The following PLD6 variants were observed in gnomAD, a reference collection of about 807,000 sequenced individuals.
The protein encoded by PLD6 is mitochondrial cardiolipin hydrolase.
A neutral mutation model predicts 9.7 loss-of-function variants in PLD6; 10 were observed. The ratio of observed to expected loss-of-function variants is 1.03; its 90% CI spans 0.64 to 1.75. The LOEUF (loss-of-function observed/expected upper bound fraction) is 1.75. PLD6 is among the 40% of genes most tolerant of loss of function. The pLI, the probability that PLD6 is intolerant of heterozygous loss-of-function variation, is 0.00. For synonymous variants in PLD6, 152 were observed against 159.2 expected (o/e 0.96, Z 0.34); for missense variants, 334 against 347.6 (o/e 0.96, Z 0.31).
At position 17,203,036 on chromosome 17, in the gene PLD6, T is replaced by C. The variant is rs1467762057; in HGVS notation, c.490A>G (p.Lys164Glu). Residue 164 changes from lysine to glutamate, a missense_variant, in exon 2 of 2, where the codon AAG (lysine) becomes GAG (glutamate). Lys to Glu is a moderately conservative substitution (Grantham distance 56). Transcript: ENST00000321560. ...YMHHKFAIVD[K>E]RVLITGSLNW... ...AGCGAGCCAGTGATGAGCACCCTCT[T>C]GTCCACGATGGCAAACTTGTGATGC... is the stretch of plus-strand genomic sequence containing the variant. The C allele has an allele frequency of 6.2e-7, 1 of 1,614,228 alleles. No individual in the cohort carries two copies. Among genetic ancestry groups the C allele is most frequent in the Non-Finnish European group, 8.5e-7 (1 of 1,180,036 alleles).
chr17:17,202,373 G>A lies in PLD6; in HGVS notation c.*394C>T, dbSNP rs73981904. ...AGTCGTGCCACATGGAGAGAGGGAT[G>A]AAATCTCAGGGAGATGCTGAAAGGG... On this transcript the variant is annotated 3_prime_UTR_variant, in exon 2 of 2. Transcript: ENST00000321560. 3,948 of 204,154 alleles carry A rather than the reference G, an allele frequency of 0.019. 143 individuals carry two copies. The highest frequency in any genetic ancestry group is 0.077 in the African/African-American group (3,343 of 43,534). 12.6% of individuals were successfully genotyped at this position (204,154 alleles called of 1,614,324 possible).
Position 17,206,272 on chromosome 17 carries a change from A to C in PLD6, c.15T>G (p.Ser5Arg), listed in dbSNP as rs2046720331. MGRL[S>R]WQVAAAAAVG... ...CAGCCGCCGCGGCCGCCACCTGCCAACTCAACCGTCCCATGCCGCCGCTAA... is the reference window on the plus strand; with the variant it reads ...CAGCCGCCGCGGCCGCCACCTGCCACCTCAACCGTCCCATGCCGCCGCTAA... The change falls in exon 1 of 2, where the codon AGT (serine) becomes AGG (arginine). Residue 5 changes from serine to arginine, a missense_variant. By Grantham distance (110) the Ser-to-Arg change is moderately radical. Coordinates refer to ENST00000321560, the MANE Select transcript of PLD6 (RefSeq NM_178836.4). 2 of 1,542,642 alleles carry C rather than the reference A, an allele frequency of 1.3e-6. No homozygotes were observed. Among genetic ancestry groups the C allele is most frequent in the Non-Finnish European group, 1.7e-6 (2 of 1,155,700 alleles).
In PLD6 at chr17:17,206,127, G is replaced by T; in HGVS notation, c.160C>A (p.Leu54Met). Reference sequence around the variant, plus strand: ...AGCTCCGCGCCCGGAGCCCGCAGCAGGGCCTCGGTACAGGTCACCTGAGAC... The same window carrying T: ...AGCTCCGCGCCCGGAGCCCGCAGCATGGCCTCGGTACAGGTCACCTGAGAC... ...FPSQVTCTEALLRAPGAELAE... is the reference protein window; with the variant it reads ...FPSQVTCTEAMLRAPGAELAE... Residue 54 changes from leucine to methionine, a missense_variant, in exon 1 of 2, where the codon CTG becomes ATG. Coordinates refer to ENST00000321560, the MANE Select transcript of PLD6 (RefSeq NM_178836.4). 6.7e-7 allele frequency: 1 copy of T among 1,489,828 alleles called. No homozygotes were observed. Among genetic ancestry groups the T allele is most frequent in the Non-Finnish European group, 8.9e-7 (1 of 1,128,542 alleles). The allele number at this position is 1,489,828 out of a possible 1,614,324, so 92.3% of individuals were successfully genotyped here.
chr17:17,202,028 A>G lies in PLD6; in HGVS notation c.*739T>C. The stretch of plus-strand genomic sequence containing the variant: ...AAATAAATAAAATAAAAAAAGTTAA[A>G]AGCCCAACATAGAAACAGCTGCTGG... On this transcript the variant is annotated 3_prime_UTR_variant, in exon 2 of 2. Coordinates refer to ENST00000321560, the MANE Select transcript of PLD6 (RefSeq NM_178836.4). 1 of 152,218 alleles carries G rather than the reference A, an allele frequency of 6.6e-6. No homozygotes were observed. The allele number at this position is 152,218 out of a possible 1,614,324, so 9.4% of individuals were successfully genotyped here.
rs1337137778 is a variant in PLD6, at chr17:17,203,024, TG to T, written c.501del (p.Ile168SerfsTer91). On this transcript the variant is annotated frameshift_variant, in exon 2 of 2. Coordinates refer to ENST00000321560, the MANE Select transcript of PLD6 (RefSeq NM_178836.4). LOFTEE classifies it low-confidence loss of function (END_TRUNC). ...HKFAIVDKRV[L>X]ITGSLNWTTQ... is the part of the protein sequence containing the mutation. Reference sequence around the variant, plus strand: ...GTGGTCCAGTTGAGCGAGCCAGTGATGAGCACCCTCTTGTCCACGATGGCAA... The same window carrying T: ...GTGGTCCAGTTGAGCGAGCCAGTGATAGCACCCTCTTGTCCACGATGGCAA... The T allele has an allele frequency of 6.2e-7, 1 of 1,614,098 alleles. No individual in the cohort carries two copies. Among genetic ancestry groups the T allele is most frequent in the Non-Finnish European group, 8.5e-7 (1 of 1,180,050 alleles).
chr17:17,202,886 A>T lies in PLD6; in HGVS notation c.640T>A (p.Tyr214Asn). 6.2e-7 allele frequency: 1 copy of T among 1,614,122 alleles called. No homozygotes were observed. The highest frequency in any genetic ancestry group is 8.5e-7 in the Non-Finnish European group (1 of 1,180,032). The change falls in exon 2 of 2, where the codon TAT becomes AAT. Residue 214 changes from tyrosine to asparagine, a missense_variant. Physicochemically the swap from Tyr to Asn is moderately radical, Grantham distance 143 (BLOSUM62 -2). Transcript: ENST00000321560. ...RIWEQFNPTK[Y>N]TFFPPKKSHG... ...CTTTTCTTTGGTGGGAAAAAGGTAT[A>T]CTTTGTAGGGTTAAACTGTTCCCAG...
intron 1 of PLD6, among the ~76,000 whole-genome samples, chr17:17,203,866 G>C (rs903716463): frequency 6.6e-6 from 1 of 152,206 alleles, no homozygotes; most frequent in African/African-American, 2.4e-5. Flanking sequence ...TGGAATTTCA[G>C]ATAAAGAGTA....
intron 1 of PLD6, 75 bp downstream of exon 1, chr17:17,205,785 T>C: frequency 6.7e-7 from 1 of 1,483,530 alleles, no homozygotes; most frequent in Non-Finnish European, 9.1e-7. Context: ...CCCCCTCCCC[T>C]AAGTGTCCAC....
Position 17,206,016 on chromosome 17 carries a change from G to C in PLD6, c.271C>G (p.Arg91Gly), listed in dbSNP as rs767799956. 6.5e-7 allele frequency: 1 copy of C among 1,544,086 alleles called. No homozygotes were observed. The highest frequency in any genetic ancestry group is 8.7e-7 in the Non-Finnish European group (1 of 1,148,290). Residue 91 changes from arginine (R) to glycine (G), a missense_variant, in exon 1 of 2, where the codon CGC becomes GGC. Physicochemically the swap from Arg to Gly is moderately radical, Grantham distance 125 (BLOSUM62 -2). Transcript: ENST00000321560. ...AACAGGCAGAGATCCAGGCTGGCGC[G>C]GGCGGCCAGCAGGGCACGCAGCAGG... ...SRLLRALLAA[R>G]ASLDLCLFAF...
Position 17,206,016 on chromosome 17 carries a change from G to T in PLD6, c.271C>A (p.Arg91Ser), listed in dbSNP as rs767799956. 4 of 1,544,204 alleles carry T rather than the reference G, an allele frequency of 2.6e-6. No individual in the cohort carries two copies. The highest frequency in any genetic ancestry group is 2.4e-5 in the East Asian group (1 of 41,010). ...AACAGGCAGAGATCCAGGCTGGCGC[G>T]GGCGGCCAGCAGGGCACGCAGCAGG... is the stretch of plus-strand genomic sequence containing the variant. ...SRLLRALLAARASLDLCLFAF... is the reference protein window; with the variant it reads ...SRLLRALLAASASLDLCLFAF... Residue 91 changes from arginine to serine, a missense_variant, in exon 1 of 2, where the codon CGC becomes AGC. By Grantham distance (110) the Arg-to-Ser change is moderately radical. Coordinates refer to ENST00000321560, the MANE Select transcript of PLD6 (RefSeq NM_178836.4).
chr17:17,203,949 C>T (rs1268483623), intron 1 of PLD6, among the ~76,000 whole-genome samples: 3 of 152,186 alleles, frequency 2.0e-5, no homozygotes, highest in East Asian at 3.8e-4. Context: ...GCATGGAACT[C>T]ATATTTAATT....
Position 17,204,167 on chromosome 17 carries a change from G to A in PLD6, c.428-1069C>T, listed in dbSNP as rs191337817. On this transcript the variant is annotated intron_variant, in intron 1 of 1. Transcript: ENST00000321560. ...GCTGGGATCCACTGCCCACCTCCCC[G>A]TCCCCTCCCCGCGGCCTGCCACCTC... Among the ~76,000 whole-genome samples the A allele has an allele frequency of 3.3e-5, 5 of 152,200 alleles. No individual in the cohort carries two copies. The East Asian group carries it at 7.7e-4, about 24-fold the overall frequency.
chr17:17,206,318 C>T lies in PLD6; in HGVS notation c.-32G>A. The T allele has an allele frequency of 6.7e-7, 1 of 1,492,938 alleles. No individual in the cohort carries two copies. Among genetic ancestry groups the T allele is most frequent in the South Asian group, 1.3e-5 (1 of 79,024 alleles). 92.5% of individuals were successfully genotyped at this position (1,492,938 alleles called of 1,614,324 possible). A position where few individuals can be genotyped will look rare whatever the true frequency, so the allele number is the denominator to read the frequency against. On this transcript the variant is annotated 5_prime_UTR_variant, in exon 1 of 2. Transcript: ENST00000321560. ...GCTAATCCGGGACCCACAGCCACGC[C>T]GCCGCAGCGGAGTCTGCGCGCCCCC...
At position 17,206,070 on chromosome 17, in the gene PLD6, G is replaced by C. The variant is rs1158024108; in HGVS notation, c.217C>G (p.Leu73Val). 2 of 1,510,180 alleles carry C rather than the reference G, an allele frequency of 1.3e-6. No homozygotes were observed. The highest frequency in any genetic ancestry group is 1.8e-6 in the Non-Finnish European group (2 of 1,136,248). The allele number at this position is 1,510,180 out of a possible 1,614,324, so 93.5% of individuals were successfully genotyped here. Residue 73 changes from leucine (L) to valine (V), a missense_variant, in exon 1 of 2, where the codon CTG becomes GTG. Transcript: ENST00000321560. ...CTTAGCGCGCTCTCGCCGTGGGGCA[G>C]GCCGCACGGGCAGCCCTCGGGGAGC... ...AELPEGCPCG[L>V]PHGESALSRL...
At chr17:17,204,498 G>A (rs2046700769) in intron 1 of PLD6, 1 of 152,296 alleles carries the variant, frequency 6.6e-6, no homozygotes. Context: ...TGTGCCCTAG[G>A]ATGTTCCAGC....
At chr17:17,205,791 T>A in intron 1 of PLD6, 69 bp downstream of exon 1, 2 of 1,504,980 alleles carry the variant, frequency 1.3e-6, no homozygotes, top group Non-Finnish European at 1.8e-6. Context: ...CCCCTAAGTG[T>A]CCACCTTTGC....
chr17:17,206,216 G>C lies in PLD6; in HGVS notation c.71C>G (p.Pro24Arg). Reference protein sequence around the residue: ...VGLALTLEALPWVLRWLRSRR... With the variant: ...VGLALTLEALRWVLRWLRSRR... Reference sequence around the variant, plus strand: ...GGACCGCAGCCAGCGCAGCACCCAAGGCAGCGCCTCCAGAGTCAGAGCCAG... The same window carrying C: ...GGACCGCAGCCAGCGCAGCACCCAACGCAGCGCCTCCAGAGTCAGAGCCAG... The change falls in exon 1 of 2, where the codon CCT (proline) becomes CGT (arginine). Residue 24 changes from proline to arginine, a missense_variant. Physicochemically the swap from Pro to Arg is moderately radical, Grantham distance 103. Transcript: ENST00000321560. 6.5e-7 allele frequency: 1 copy of C among 1,539,144 alleles called. No homozygotes were observed. Among genetic ancestry groups the C allele is most frequent in the Non-Finnish European group, 8.7e-7 (1 of 1,153,098 alleles).
Position 17,202,340 on chromosome 17 carries a change from C to A in PLD6, c.*427G>T. On this transcript the variant is annotated 3_prime_UTR_variant, in exon 2 of 2. Coordinates refer to ENST00000321560, the MANE Select transcript of PLD6 (RefSeq NM_178836.4). ...GGGACAAGGAGACTGTAGGCCCCAA[C>A]CAACCCCAGTCGTGCCACATGGAGA... 5.5e-6 allele frequency: 1 copy of A among 182,764 alleles called. No homozygotes were observed. Among genetic ancestry groups the A allele is most frequent in the Non-Finnish European group, 1.2e-5 (1 of 85,084 alleles). 11.3% of individuals were successfully genotyped at this position (182,764 alleles called of 1,614,324 possible).
At chr17:17,203,134 G>T (rs1597561288) in intron 1 of PLD6, 36 bp from the exon 2 acceptor site, 1 of 1,590,838 alleles carries the variant, frequency 6.3e-7, no homozygotes, top group East Asian at 2.2e-5. Context: ...TTCCATGCAG[G>T]AGTCCCGCCC....
Sources: allele counts gnomAD v4.1 joint callset (sites outside exome capture counted in the v4.1 genomes callset), GRCh38; gene constraint gnomAD v4.1.1; transcripts MANE v1.5; gene names NCBI Gene and HGNC (gene_info 2026-07-23, HGNC 2026-07-21).